Variants in STXBP4 observed in about 807,000 individuals in gnomAD.
The protein encoded by STXBP4 is syntaxin binding protein 4.
Under a neutral mutation model 76.1 loss-of-function variants are expected in STXBP4, and 55 were observed. The ratio of observed to expected loss-of-function variants is 0.72; its 90% CI spans 0.58 to 0.91. STXBP4 has a LOEUF of 0.91. Ranked by LOEUF, STXBP4 falls within the 40% of genes least tolerant of loss-of-function variation. STXBP4 has a pLI of 0.00. For synonymous variants in STXBP4, 201 were observed against 220.2 expected, an observed-to-expected ratio of 0.91 and a Z score of 0.77; for missense variants, 618 against 636.9, an observed-to-expected ratio of 0.97 and a Z score of 0.32.
intron 3 of STXBP4, among the ~76,000 whole-genome samples, chr17:54,990,474 C>G (rs1178405206): frequency 6.6e-6 from 1 of 152,154 alleles, no homozygotes. Context: ...TCACTGTCTC[C>G]CCTCACCCCC....
chr17:55,117,965 G>A (rs560749937), intron 16 of STXBP4, among the ~76,000 whole-genome samples: 4 of 151,846 alleles, frequency 2.6e-5, no homozygotes, highest in Non-Finnish European at 2.9e-5. Context: ...ACATTTTTTT[G>A]AAAGCTTACT....
At position 54,986,137 on chromosome 17, in the gene STXBP4, C is replaced by A; in HGVS notation, c.-78-5C>A. On this transcript the variant is annotated splice_region_variant and splice_polypyrimidine_tract_variant and intron_variant, in intron 2 of 17. Coordinates refer to ENST00000376352, the MANE Select transcript of STXBP4 (RefSeq NM_178509.6). ...ACAATTTATTTTCTACTTCTTCAATCCTAGGAAAAGAAGAATTTCTAGACT... is the reference window on the plus strand; with the variant it reads ...ACAATTTATTTTCTACTTCTTCAATACTAGGAAAAGAAGAATTTCTAGACT... 1 of 1,198,062 alleles carries A rather than the reference C, an allele frequency of 8.3e-7. No individual in the cohort carries two copies. 74.2% of individuals were successfully genotyped at this position (1,198,062 alleles called of 1,614,324 possible).
intron 1 of STXBP4, among the ~76,000 whole-genome samples, chr17:54,970,923 C>T (rs933291273): frequency 1.3e-5 from 2 of 152,156 alleles, no homozygotes; most frequent in Admixed American, 1.3e-4. Context: ...TGTATCTGAT[C>T]TTAGTATGAT....
At chr17:54,985,486 T>G (rs2077613910) in intron 1 of STXBP4, 128 bp from the exon 2 acceptor site, 1 of 151,866 alleles carries the variant, frequency 6.6e-6, no homozygotes, top group Admixed American at 6.6e-5. Context: ...TCATTCATTG[T>G]TCTTATGAAA....
intron 16 of STXBP4, among the ~76,000 whole-genome samples, chr17:55,102,540 G>T (rs536146977): frequency 6.6e-6 from 1 of 152,188 alleles, no homozygotes; most frequent in Non-Finnish European, 1.5e-5. Flanking sequence ...TGGGCATTTC[G>T]ATTGGTTCCA....
At chr17:55,022,826 G>A (rs2078338816) in intron 8 of STXBP4, among the ~76,000 whole-genome samples, 1 of 152,150 alleles carries the variant, frequency 6.6e-6, no homozygotes, top group South Asian at 2.1e-4. Context: ...GGGAAGGAGT[G>A]GTACTAACGA....
At chr17:55,143,140 C>G (rs2080112921) in intron 17 of STXBP4, among the ~76,000 whole-genome samples, 1 of 152,162 alleles carries the variant, frequency 6.6e-6, no homozygotes, top group African/African-American at 2.4e-5. Context: ...GTGTATTTCT[C>G]TATGCATTAT....
chr17:55,179,033 G>A, the STXBP4 span, among the ~76,000 whole-genome samples: 1 of 152,114 alleles, frequency 6.6e-6, no homozygotes, highest in Non-Finnish European at 1.5e-5. Context: ...TGCCTTATTA[G>A]CAATATTATT....
At chr17:54,971,313 A>C (rs1222151280) in intron 1 of STXBP4, among the ~76,000 whole-genome samples, 3 of 152,214 alleles carry the variant, frequency 2.0e-5, no homozygotes, top group Non-Finnish European at 4.4e-5. Flanking sequence ...CTGGTTGCTT[A>C]AACAACAGAA....
intron 8 of STXBP4, among the ~76,000 whole-genome samples, chr17:55,019,516 A>G (rs191773229): frequency 6.6e-6 from 1 of 152,308 alleles, no homozygotes; most frequent in Admixed American, 6.5e-5. Flanking sequence ...AGTCTTACAA[A>G]TTATGAATTA....
At chr17:55,190,790 C>T in the STXBP4 span, among the ~76,000 whole-genome samples, 1 of 152,106 alleles carries the variant, frequency 6.6e-6, no homozygotes, top group Admixed American at 6.6e-5. Flanking sequence ...TTGTTAACAA[C>T]TCAAGGCATT....
At chr17:55,153,529 AAACAT>A (rs1159987328) in intron 17 of STXBP4, among the ~76,000 whole-genome samples, 1 of 151,860 alleles carries the variant, frequency 6.6e-6, no homozygotes, top group Non-Finnish European at 1.5e-5. Flanking sequence ...TCTGATAGAT[AAACAT>A]AACATTAGAA....
chr17:55,030,553 G>A (rs748948181), intron 8 of STXBP4, among the ~76,000 whole-genome samples: 2 of 152,168 alleles, frequency 1.3e-5, no homozygotes, highest in Non-Finnish European at 2.9e-5. Flanking sequence ...CGGTTACTAA[G>A]GAGCAAGGAG....
chr17:55,003,796 T>C (rs1429785728), intron 7 of STXBP4, among the ~76,000 whole-genome samples: 1 of 152,218 alleles, frequency 6.6e-6, no homozygotes, highest in Non-Finnish European at 1.5e-5. Context: ...AGTTGTTTAC[T>C]AGTGCTATAT....
Position 55,068,731 on chromosome 17 carries a change from T to C in STXBP4, c.1012-4169T>C, listed in dbSNP as rs1305602303. ...AGTTTCTTTAATTCTCTTGTGAGAA[T>C]AGTTTTGATCTAATAAAATAGGTGT... On this transcript the variant is annotated intron_variant, in intron 12 of 17. Coordinates refer to ENST00000376352, the MANE Select transcript of STXBP4 (RefSeq NM_178509.6). Among the ~76,000 whole-genome samples, 3 of 152,234 alleles carry C rather than the reference T, an allele frequency of 2.0e-5. No individual in the cohort carries two copies. In the East Asian group the frequency reaches 5.8e-4, roughly 29 times the overall value.
chr17:55,157,287 A>G (rs951761493), intron 17 of STXBP4, among the ~76,000 whole-genome samples: 1 of 152,206 alleles, frequency 6.6e-6, no homozygotes, highest in Non-Finnish European at 1.5e-5. Flanking sequence ...AGTTTTAGAC[A>G]TGTACTTTGT....
At chr17:55,109,381 T>G (rs1326029082) in intron 16 of STXBP4, among the ~76,000 whole-genome samples, 2 of 152,094 alleles carry the variant, frequency 1.3e-5, no homozygotes, top group Non-Finnish European at 2.9e-5. Context: ...TTATTAATAT[T>G]TATTGATTTA....
chr17:55,103,458 T>C (rs988188638), intron 16 of STXBP4, among the ~76,000 whole-genome samples: 1 of 152,094 alleles, frequency 6.6e-6, no homozygotes, highest in African/African-American at 2.4e-5. Flanking sequence ...AGCATTATTT[T>C]TGAGACCTCT....
chr17:55,146,324 C>G (rs1302256913), intron 17 of STXBP4, among the ~76,000 whole-genome samples: 1 of 152,128 alleles, frequency 6.6e-6, no homozygotes, highest in Non-Finnish European at 1.5e-5. Flanking sequence ...CATCCTGAAT[C>G]CAGGAGTGGC....
Sources: allele counts gnomAD v4.1 joint callset (sites outside exome capture counted in the v4.1 genomes callset), GRCh38; gene constraint gnomAD v4.1.1; transcripts MANE v1.5; gene names NCBI Gene and HGNC (gene_info 2026-07-23, HGNC 2026-07-21).